Variants in GSK3B observed in about 807,000 individuals in gnomAD.
GSK3B encodes the protein glycogen synthase kinase 3 beta, also known as glycogen synthase kinase-3 beta.
Under a neutral mutation model 56.4 loss-of-function variants are expected in GSK3B, and 15 were observed. The observed-to-expected ratio is 0.27, with a 90% confidence interval of 0.18 to 0.41. The LOEUF (loss-of-function observed/expected upper bound fraction) is 0.41. Ranked by LOEUF, GSK3B falls within the 10% of genes least tolerant of loss-of-function variation. The pLI, the probability that GSK3B is intolerant of heterozygous loss-of-function variation, is 1.00. For synonymous variants in GSK3B, 181 were observed against 188.9 expected, an observed-to-expected ratio of 0.96 and a Z score of 0.34; for missense variants, 300 against 513.4, an observed-to-expected ratio of 0.58 and a Z score of 4.02.
At chr3:119,855,196 G>C (rs939096697) in intron 9 of GSK3B, among the ~76,000 whole-genome samples, 68 of 152,072 alleles carry the variant, frequency 4.5e-4, no homozygotes, top group Admixed American at 7.9e-4. Flanking sequence ...TCATAAGGAA[G>C]ACATTTATGC....
At chr3:119,900,198 A>G (rs1172014173) in intron 7 of GSK3B, among the ~76,000 whole-genome samples, 2 of 152,110 alleles carry the variant, frequency 1.3e-5, no homozygotes. Flanking sequence ...AGCTTTTTAG[A>G]GAAGATATAC....
At chr3:119,872,563 G>C (rs1204504403) in intron 8 of GSK3B, among the ~76,000 whole-genome samples, 2 of 152,118 alleles carry the variant, frequency 1.3e-5, no homozygotes, top group African/African-American at 4.8e-5. Context: ...GGATTAAAAT[G>C]ATGTGAAACC....
At chr3:119,863,379 T>C in intron 9 of GSK3B, 40 bp downstream of exon 9, 2 of 1,511,266 alleles carry the variant, frequency 1.3e-6, no homozygotes, top group South Asian at 1.1e-5. Flanking sequence ...AGGGTGTAGC[T>C]TTCCTAGAAC....
intron 2 of GSK3B, among the ~76,000 whole-genome samples, chr3:119,951,373 A>T (rs1204545802): frequency 5.9e-5 from 9 of 152,222 alleles, no homozygotes; most frequent in Non-Finnish European, 1.2e-4. Flanking sequence ...GGAGTTCAAG[A>T]CCAGCCTGAC....
At position 119,982,287 on chromosome 3, in the gene GSK3B, A is replaced by C. The variant is rs552080854; in HGVS notation, c.282+19759T>G. On this transcript the variant is annotated intron_variant, in intron 2 of 10. Transcript: ENST00000264235. The stretch of plus-strand genomic sequence containing the variant: ...AGAGCAGAAAAGCTGAAAATTCTAA[A>C]ATCAGAGCACCTCTTCACCTCCAAA... Among the ~76,000 whole-genome samples, 8 of 152,290 alleles carry C rather than the reference A, an allele frequency of 5.3e-5. No individual in the cohort carries two copies. The East Asian group carries it at 1.2e-3, about 22-fold the overall frequency.
At chr3:119,936,356 T>TAAAAAATATATATATATATATATA (rs1559844164) in intron 3 of GSK3B, among the ~76,000 whole-genome samples, 2 of 108,996 alleles carry the variant, frequency 1.8e-5, no homozygotes, top group African/African-American at 9.1e-5. Flanking sequence ...ATATATATAT[T>TAAAAAATATATATATATATATATA]TTTTTTTTGA....
chr3:119,981,569 C>G (rs1175037491), intron 2 of GSK3B, among the ~76,000 whole-genome samples: 11 of 152,278 alleles, frequency 7.2e-5, no homozygotes, highest in African/African-American at 2.4e-4. Context: ...GCGGGTCCCA[C>G]GCCCACGGAG....
chr3:119,915,500 CA>C (rs1356199380), intron 5 of GSK3B, among the ~76,000 whole-genome samples: 1 of 151,906 alleles, frequency 6.6e-6, no homozygotes, highest in Non-Finnish European at 1.5e-5. Flanking sequence ...GATTACGTAC[CA>C]TTTCAGAAAT....
intron 1 of GSK3B, among the ~76,000 whole-genome samples, chr3:120,012,757 C>A (rs968559048): frequency 1.3e-5 from 2 of 152,140 alleles, no homozygotes; most frequent in African/African-American, 4.8e-5. Flanking sequence ...CACTGTAACA[C>A]TGAACTCCTG....
intron 2 of GSK3B, among the ~76,000 whole-genome samples, chr3:119,973,678 T>C (rs2057387434): frequency 6.6e-6 from 1 of 152,234 alleles, no homozygotes; most frequent in African/African-American, 2.4e-5. Flanking sequence ...CATATAACTT[T>C]TTTACAGTAT....
At chr3:119,889,207 C>T (rs1044305505) in intron 7 of GSK3B, among the ~76,000 whole-genome samples, 2 of 151,978 alleles carry the variant, frequency 1.3e-5, no homozygotes, top group South Asian at 2.1e-4. Flanking sequence ...GTGGGCATCA[C>T]GGTTCTACTG....
chr3:120,076,813 CAAAAAA>C (rs202058386), intron 1 of GSK3B, among the ~76,000 whole-genome samples: 2,977 of 45,576 alleles, frequency 0.065, 118 homozygotes, highest in African/African-American at 0.17. Flanking sequence ...AACTCCGTCT[CAAAAAA>C]AAAAAAAAAA....
chr3:119,894,262 C>A (rs949694655), intron 7 of GSK3B, among the ~76,000 whole-genome samples: 1 of 151,990 alleles, frequency 6.6e-6, no homozygotes, highest in Non-Finnish European at 1.5e-5. Context: ...TGTAAGTTTT[C>A]AGTTATTAGG....
chr3:120,086,799 T>C (rs1283395881), intron 1 of GSK3B, among the ~76,000 whole-genome samples: 1 of 147,652 alleles, frequency 6.8e-6, no homozygotes, highest in Non-Finnish European at 1.5e-5. Flanking sequence ...AGACCCTGTC[T>C]CCAAAAAAAA....
chr3:119,967,172 G>A (rs760804028), intron 2 of GSK3B, among the ~76,000 whole-genome samples: 6 of 151,910 alleles, frequency 3.9e-5, no homozygotes, highest in Non-Finnish European at 7.4e-5. Flanking sequence ...TCCACCTCCC[G>A]GGTTCAAGCG....
Position 119,947,348 on chromosome 3 carries a change from G to C in GSK3B, c.286C>G (p.Arg96Gly). The C allele has an allele frequency of 6.3e-7, 1 of 1,579,154 alleles. No individual in the cohort carries two copies. The highest frequency in any genetic ancestry group is 8.7e-7 in the Non-Finnish European group (1 of 1,149,126). ...AGCTTTCTCATGATCTGGAGCTCTC[G>C]ATTCTGAAAAGGAAACACATAAAAA... ...KVLQDKRFKN[R>G]ELQIMRKLDH... is the part of the protein sequence containing the mutation. Residue 96 changes from arginine to glycine, a missense_variant, in exon 3 of 11, where the codon CGA becomes GGA. Physicochemically the swap from Arg to Gly is moderately radical, Grantham distance 125. This residue lies in a region of GSK3B where 20 missense variants were observed against 59.1 expected (regional missense o/e 0.34). Transcript: ENST00000264235.
chr3:120,001,573 T>C (rs557312814), intron 2 of GSK3B, among the ~76,000 whole-genome samples: 2 of 152,306 alleles, frequency 1.3e-5, no homozygotes, highest in African/African-American at 4.8e-5. Context: ...ACCTCTTTTC[T>C]TTATAAATTA....
intron 2 of GSK3B, among the ~76,000 whole-genome samples, chr3:120,001,705 C>T (rs986562241): frequency 3.3e-5 from 5 of 152,182 alleles, no homozygotes; most frequent in African/African-American, 4.8e-5. Flanking sequence ...TTATATGCTA[C>T]AGGCAGTGTT....
intron 9 of GSK3B, among the ~76,000 whole-genome samples, chr3:119,846,263 C>CAA (rs1371593181): frequency 3.3e-5 from 5 of 151,982 alleles, no homozygotes; most frequent in African/African-American, 9.7e-5. Flanking sequence ...ACTAAAACAC[C>CAA]AAAAGCAATG....
Sources: gnomAD v4.1 joint callset for allele counts (sites outside exome capture counted in the v4.1 genomes callset) on GRCh38, gnomAD v4.1.1 for gene constraint, gnomAD v4.1.1 regional missense constraint, MANE v1.5 for transcripts, NCBI Gene and HGNC (gene_info 2026-07-23, HGNC 2026-07-21) for gene names.